TMEM132B: variants seen among roughly 807,000 people sequenced by gnomAD.
The protein encoded by TMEM132B is transmembrane protein 132B.
In TMEM132B, 18 loss-of-function variants were observed where a neutral mutation model predicts 90.8. That is an observed-to-expected ratio of 0.20 (90% CI 0.14 to 0.29). TMEM132B has a LOEUF of 0.29. Among genes scored for constraint, TMEM132B ranks in the 10% least tolerant of loss-of-function variants. TMEM132B has a pLI of 1.00. For missense variants in TMEM132B, 1,096 were observed against 1,326.8 expected, an observed-to-expected ratio of 0.83 and a Z score of 2.70; for synonymous variants, 504 against 523.3, an observed-to-expected ratio of 0.96 and a Z score of 0.50.
intron 1 of TMEM132B, among the ~76,000 whole-genome samples, chr12:125,287,313 A>T (rs992199431): frequency 1.5e-4 from 23 of 152,074 alleles, no homozygotes; most frequent in Non-Finnish European, 2.4e-4. Flanking sequence ...TAATTTAATC[A>T]TATCTGCAAA....
chr12:125,653,219 C>G (rs1218484571), intron 8 of TMEM132B, among the ~76,000 whole-genome samples: 1 of 152,232 alleles, frequency 6.6e-6, no homozygotes, highest in Non-Finnish European at 1.5e-5. Context: ...TTATCTTGAG[C>G]AGTAGCCTGA....
chr12:125,271,228 T>A (rs1460767958), intron 1 of TMEM132B, among the ~76,000 whole-genome samples: 2 of 152,184 alleles, frequency 1.3e-5, no homozygotes, highest in African/African-American at 4.8e-5. Flanking sequence ...CTCAGCTTCC[T>A]AAAGTACTGG....
At chr12:125,203,017 A>T (rs1873100659) in intron 1 of TMEM132B, among the ~76,000 whole-genome samples, 1 of 152,220 alleles carries the variant, frequency 6.6e-6, no homozygotes, top group African/African-American at 2.4e-5. Flanking sequence ...GTTGCCTGGC[A>T]CTGTCTTCTC....
At chr12:125,651,046 G>A in intron 7 of TMEM132B, 93 bp downstream of exon 7, 5 of 1,470,020 alleles carry the variant, frequency 3.4e-6, no homozygotes, top group Non-Finnish European at 3.7e-6. Context: ...GTGCACATGT[G>A]CATGTGGACA....
chr12:125,380,716 G>A (rs1465050894), intron 2 of TMEM132B, among the ~76,000 whole-genome samples: 3 of 152,216 alleles, frequency 2.0e-5, no homozygotes, highest in Non-Finnish European at 4.4e-5. Flanking sequence ...CTGATGGGAG[G>A]CACTGGTAGA....
At chr12:125,628,538 TG>T (rs1428099015) in intron 5 of TMEM132B, among the ~76,000 whole-genome samples, 4 of 152,202 alleles carry the variant, frequency 2.6e-5, no homozygotes, top group African/African-American at 9.6e-5. Flanking sequence ...TTATATATTC[TG>T]GCTATTAATC....
At chr12:125,203,473 C>T (rs1443515938) in intron 1 of TMEM132B, among the ~76,000 whole-genome samples, 1 of 152,126 alleles carries the variant, frequency 6.6e-6, no homozygotes, top group Non-Finnish European at 1.5e-5. Context: ...TAGAGCTTAC[C>T]AATATCTTTA....
intron 5 of TMEM132B, among the ~76,000 whole-genome samples, chr12:125,633,004 C>T (rs948351243): frequency 6.6e-6 from 1 of 152,006 alleles, no homozygotes; most frequent in African/African-American, 2.4e-5. Context: ...ACTCTACCTC[C>T]TCTTCGAAGC....
rs148108769 is a variant in TMEM132B at position 125,631,463 on chromosome 12, C to A, written c.1438-12613C>A. The stretch of plus-strand genomic sequence containing the variant: ...GCTCAGGAGAAGAATGTATATTCTG[C>A]AGGCTTTGGATAAAATGTTCTGTAA... On this transcript the variant is annotated intron_variant, in intron 5 of 8. Transcript: ENST00000682704. Among the ~76,000 whole-genome samples the A allele has an allele frequency of 4.8e-3, 733 of 152,224 alleles. 7 individuals carry two copies. Among genetic ancestry groups the A allele is most frequent in the African/African-American group, 0.016 (670 of 41,558 alleles).
At chr12:125,210,614 A>G (rs1873298562) in intron 1 of TMEM132B, among the ~76,000 whole-genome samples, 1 of 151,702 alleles carries the variant, frequency 6.6e-6, no homozygotes, top group African/African-American at 2.4e-5. Context: ...GTGAGCAGTC[A>G]TGGGAGCTTG....
At chr12:125,192,419 A>C (rs1872820028) in intron 1 of TMEM132B, among the ~76,000 whole-genome samples, 1 of 152,156 alleles carries the variant, frequency 6.6e-6, no homozygotes, top group African/African-American at 2.4e-5. Context: ...ATGTGTCTTG[A>C]GTCAAGGGGA....
At chr12:125,336,433 C>T (rs1327596930) in intron 1 of TMEM132B, among the ~76,000 whole-genome samples, 2 of 152,246 alleles carry the variant, frequency 1.3e-5, no homozygotes, top group African/African-American at 2.4e-5. Flanking sequence ...CACTGCTTCA[C>T]TGCTGGATCC....
intron 2 of TMEM132B, among the ~76,000 whole-genome samples, chr12:125,385,224 A>T (rs1878794757): frequency 1.3e-5 from 2 of 152,234 alleles, no homozygotes. Flanking sequence ...ACAGCAAAAA[A>T]GATTAAAAAA....
At chr12:125,346,708 C>T (rs1434816865) in intron 1 of TMEM132B, among the ~76,000 whole-genome samples, 6 of 152,242 alleles carry the variant, frequency 3.9e-5, no homozygotes, top group Admixed American at 1.3e-4. Flanking sequence ...ATTTCTCCCT[C>T]CTCTATCTTT....
chr12:125,251,315 A>G lies in TMEM132B; in HGVS notation c.67+64449A>G, dbSNP rs530835723. Among the ~76,000 whole-genome samples, 1 of 152,340 alleles carries G rather than the reference A, an allele frequency of 6.6e-6. No individual in the cohort carries two copies. Among genetic ancestry groups the G allele is most frequent in the East Asian group, 1.9e-4 (1 of 5,184 alleles). On this transcript the variant is annotated intron_variant, in intron 1 of 8. Coordinates refer to ENST00000682704, the MANE Select transcript of TMEM132B (RefSeq NM_001366854.1). The surrounding 1 kb of genome is among the most constrained non-coding windows in gnomAD (Gnocchi z 4.4). The stretch of plus-strand genomic sequence containing the variant: ...TTTTAAACATTCAATATTAAATACC[A>G]TGAAATAGCATTTTAGAAAAAAGAA...
chr12:125,376,753 AG>A (rs1360902981), intron 2 of TMEM132B, among the ~76,000 whole-genome samples: 3 of 152,202 alleles, frequency 2.0e-5, no homozygotes, highest in Non-Finnish European at 2.9e-5. Flanking sequence ...CCACTGTCTA[AG>A]GGGGAGCTGA....
At chr12:125,470,345 T>C (rs116915717) in intron 3 of TMEM132B, among the ~76,000 whole-genome samples, 1,835 of 152,324 alleles carry the variant, frequency 0.012, 18 homozygotes, top group Non-Finnish European at 0.02. Flanking sequence ...CAGAGTGGTC[T>C]TTGCTGCAGA....
At chr12:125,599,489 C>T (rs1448855308) in intron 5 of TMEM132B, among the ~76,000 whole-genome samples, 1 of 152,128 alleles carries the variant, frequency 6.6e-6, no homozygotes, top group Non-Finnish European at 1.5e-5. Context: ...AAATCTGACT[C>T]TTACGCTCTC....
chr12:125,648,655 T>G (rs1462351843), intron 6 of TMEM132B, among the ~76,000 whole-genome samples: 1 of 152,170 alleles, frequency 6.6e-6, no homozygotes, highest in African/African-American at 2.4e-5. Context: ...GATTATTTTG[T>G]TTCATTACTA....
Sources: allele counts gnomAD v4.1 joint callset (sites outside exome capture counted in the v4.1 genomes callset), GRCh38; gene constraint gnomAD v4.1.1; non-coding constraint Gnocchi (gnomAD v3.1); transcripts MANE v1.5; gene names NCBI Gene and HGNC (gene_info 2026-07-23, HGNC 2026-07-21).